Variants in GABRB1 observed in about 807,000 individuals in gnomAD.
The protein encoded by GABRB1 is gamma-aminobutyric acid receptor subunit beta-1.
GABRB1 carries 17 observed loss-of-function variants against 51.6 expected under a neutral mutation model. That is an observed-to-expected ratio of 0.33 (90% CI 0.23 to 0.49). The LOEUF is 0.49. Ranked by LOEUF, GABRB1 falls within the 20% of genes least tolerant of loss-of-function variation. The probability of loss-of-function intolerance (pLI) is 0.99; values close to 1 mark genes in which losing one functional copy is unlikely to be tolerated. For synonymous variants in GABRB1, 247 were observed against 218.9 expected (o/e 1.13, Z -1.14); for missense variants, 410 against 600.6 (o/e 0.68, Z 3.32).
At chr4:47,094,641 G>A (rs1239424054) in intron 3 of GABRB1, among the ~76,000 whole-genome samples, 2 of 151,936 alleles carry the variant, frequency 1.3e-5, no homozygotes, top group African/African-American at 4.8e-5. Flanking sequence ...AGAGGATCAG[G>A]AAAAACAGCT....
At chr4:47,348,800 C>T (rs573489892) in intron 5 of GABRB1, among the ~76,000 whole-genome samples, 15 of 152,112 alleles carry the variant, frequency 9.9e-5, no homozygotes, top group East Asian at 3.9e-4. Context: ...GGATTGACTC[C>T]GATAAATTAA....
intron 3 of GABRB1, among the ~76,000 whole-genome samples, chr4:47,118,536 T>C (rs1487851392): frequency 6.6e-6 from 1 of 152,178 alleles, no homozygotes; most frequent in East Asian, 1.9e-4. Context: ...TTCACTGAAA[T>C]GTAAGAGAAA....
intron 4 of GABRB1, among the ~76,000 whole-genome samples, chr4:47,243,308 A>C (rs1308173255): frequency 6.6e-6 from 1 of 152,212 alleles, no homozygotes; most frequent in East Asian, 1.9e-4. Context: ...TATAGTTTGA[A>C]GTCAGGTAGC....
At chr4:47,161,565 T>C (rs1717956380) in intron 4 of GABRB1, 96 bp downstream of exon 4, 3 of 871,770 alleles carry the variant, frequency 3.4e-6, no homozygotes, top group African/African-American at 3.4e-5. Context: ...CAAGAATATA[T>C]AGATGAATAT....
At chr4:47,195,678 G>A (rs1719657540) in intron 4 of GABRB1, among the ~76,000 whole-genome samples, 1 of 152,056 alleles carries the variant, frequency 6.6e-6, no homozygotes. Context: ...GAACAATAAT[G>A]TATTGATTTA....
chr4:47,232,460 C>T (rs1721173902), intron 4 of GABRB1, among the ~76,000 whole-genome samples: 1 of 152,148 alleles, frequency 6.6e-6, no homozygotes, highest in Non-Finnish European at 1.5e-5. Flanking sequence ...GTTTTCCATA[C>T]AACCTTCTTC....
chr4:47,154,087 T>C (rs1209542684), intron 3 of GABRB1, among the ~76,000 whole-genome samples: 4 of 152,046 alleles, frequency 2.6e-5, no homozygotes, highest in Non-Finnish European at 5.9e-5. Context: ...CAGTGATGAA[T>C]TTCTGCTTTA....
At chr4:47,047,661 G>T (rs115070631) in intron 3 of GABRB1, among the ~76,000 whole-genome samples, 3 of 152,086 alleles carry the variant, frequency 2.0e-5, no homozygotes, top group African/African-American at 4.8e-5. Context: ...AAATGCATTA[G>T]CAATTAATAT....
intron 5 of GABRB1, among the ~76,000 whole-genome samples, chr4:47,355,452 G>A (rs772681351): frequency 4.6e-5 from 7 of 152,034 alleles, no homozygotes; most frequent in Admixed American, 6.6e-5. Context: ...TATCCTTTCA[G>A]AATGAAGGGA....
intron 4 of GABRB1, among the ~76,000 whole-genome samples, chr4:47,242,926 A>AT (rs1253986285): frequency 6.6e-6 from 1 of 152,138 alleles, no homozygotes; most frequent in Non-Finnish European, 1.5e-5. Flanking sequence ...TTTCGTTGCC[A>AT]TTGCTTTTCG....
intron 4 of GABRB1, among the ~76,000 whole-genome samples, chr4:47,284,083 G>A (rs1175937559): frequency 1.4e-5 from 2 of 141,438 alleles, no homozygotes; most frequent in Non-Finnish European, 3.0e-5. Context: ...GAGCGACAGA[G>A]CGAGACTCAG....
At chr4:47,375,989 G>T (rs1727362081) in intron 5 of GABRB1, among the ~76,000 whole-genome samples, 2 of 152,124 alleles carry the variant, frequency 1.3e-5, no homozygotes, top group Admixed American at 1.3e-4. Context: ...TGTGCCAAAG[G>T]AATTTTCATT....
rs965222063 is a variant in GABRB1 at position 47,369,993 on chromosome 4, T to C, written c.545-33325T>C. 2.0e-5 allele frequency among the ~76,000 whole-genome samples: 3 copies of C among 152,212 alleles called. No individual in the cohort carries two copies. The South Asian group carries it at 6.2e-4, about 31-fold the overall frequency. ...CTCAAAGAAACAAAGAGTGATAAATTAAATTTTATATAAACATATAAAGAT... is the reference window on the plus strand; with the variant it reads ...CTCAAAGAAACAAAGAGTGATAAATCAAATTTTATATAAACATATAAAGAT... On this transcript the variant is annotated intron_variant, in intron 5 of 8. Transcript: ENST00000295454.
chr4:47,021,404 GCTGTGATA>G (rs1345112325), intron 1 of GABRB1, among the ~76,000 whole-genome samples: 2 of 152,134 alleles, frequency 1.3e-5, no homozygotes, highest in Non-Finnish European at 2.9e-5. Context: ...ATAATAAACA[GCTGTGATA>G]CTCTGCCATG....
chr4:47,210,845 C>A (rs1359777181), intron 4 of GABRB1, among the ~76,000 whole-genome samples: 3 of 152,114 alleles, frequency 2.0e-5, no homozygotes, highest in Admixed American at 6.6e-5. Context: ...AAAGAGACAG[C>A]CACGGGGGCT....
chr4:47,022,235 T>A (rs1041763071), intron 1 of GABRB1, among the ~76,000 whole-genome samples: 12 of 152,122 alleles, frequency 7.9e-5, no homozygotes, highest in Admixed American at 2.6e-4. Flanking sequence ...TAGTAATCCT[T>A]ATGTATTTCT....
At chr4:47,155,981 T>C (rs1717682169) in intron 3 of GABRB1, among the ~76,000 whole-genome samples, 1 of 146,412 alleles carries the variant, frequency 6.8e-6, no homozygotes, top group Non-Finnish European at 1.5e-5. Flanking sequence ...CATTGATAGG[T>C]ACTTAGGTTG....
intron 4 of GABRB1, among the ~76,000 whole-genome samples, chr4:47,240,721 T>A (rs1721490544): frequency 6.6e-6 from 1 of 152,218 alleles, no homozygotes; most frequent in African/African-American, 2.4e-5. Flanking sequence ...CTCTGATATG[T>A]AAAGTGTGAA....
chr4:47,356,028 A>T (rs927070586), intron 5 of GABRB1, among the ~76,000 whole-genome samples: 1 of 152,240 alleles, frequency 6.6e-6, no homozygotes, highest in Non-Finnish European at 1.5e-5. Context: ...TGCAATGAAT[A>T]TGGCAATCAT....
Sources: gnomAD v4.1 joint callset for allele counts (sites outside exome capture counted in the v4.1 genomes callset) on GRCh38, gnomAD v4.1.1 for gene constraint, MANE v1.5 for transcripts, NCBI Gene and HGNC (gene_info 2026-07-23, HGNC 2026-07-21) for gene names.